SH3RF2: variants seen among roughly 807,000 people sequenced by gnomAD.
SH3RF2 encodes SH3 domain containing ring finger 2, also known as E3 ubiquitin-protein ligase SH3RF2.
A neutral mutation model predicts 59.0 loss-of-function variants in SH3RF2; 43 were observed. The observed-to-expected ratio is 0.73, with a 90% CI of 0.57 to 0.94. The LOEUF is 0.94. Among genes scored for constraint, SH3RF2 ranks in the 40% least tolerant of loss-of-function variants. The probability of loss-of-function intolerance (pLI) is 0.00; values close to 1 mark genes in which losing one functional copy is unlikely to be tolerated. For missense variants in SH3RF2, 930 were observed against 940.1 expected (o/e 0.99, Z 0.14); for synonymous variants, 391 against 391.5 (o/e 1.00, Z 0.01).
intron 2 of SH3RF2, among the ~76,000 whole-genome samples, chr5:145,961,995 C>G (rs1202659540): frequency 6.6e-6 from 1 of 152,190 alleles, no homozygotes; most frequent in Non-Finnish European, 1.5e-5. Context: ...CAGGCAAGTT[C>G]TTTCCAGGAG....
chr5:146,046,445 G>C (rs1762308503), intron 5 of SH3RF2, among the ~76,000 whole-genome samples: 1 of 152,186 alleles, frequency 6.6e-6, no homozygotes, highest in African/African-American at 2.4e-5. Context: ...CACACACAGA[G>C]TTACCATCAT....
chr5:146,007,986 C>T (rs1210471502), intron 4 of SH3RF2, among the ~76,000 whole-genome samples: 1 of 152,146 alleles, frequency 6.6e-6, no homozygotes, highest in Non-Finnish European at 1.5e-5. Flanking sequence ...GGAAGGGAGG[C>T]TTTCTTATGA....
intron 2 of SH3RF2, among the ~76,000 whole-genome samples, chr5:145,948,955 T>C (rs1193527795): frequency 1.3e-5 from 2 of 152,260 alleles, no homozygotes; most frequent in Non-Finnish European, 2.9e-5. Context: ...ATTCATTAAA[T>C]ACTTAATTAT....
At chr5:145,985,984 A>G (rs1759685267) in intron 2 of SH3RF2, among the ~76,000 whole-genome samples, 1 of 151,012 alleles carries the variant, frequency 6.6e-6, no homozygotes, top group African/African-American at 2.4e-5. Context: ...AGCCTGGGCA[A>G]CAGAGCAAGA....
At chr5:145,980,244 G>A (rs567534786) in intron 2 of SH3RF2, among the ~76,000 whole-genome samples, 17 of 152,292 alleles carry the variant, frequency 1.1e-4, no homozygotes, top group East Asian at 1.9e-4. Flanking sequence ...CACACGTAAC[G>A]AGGCAGTTGT....
At chr5:146,027,378 C>A (rs1761566248) in intron 5 of SH3RF2, among the ~76,000 whole-genome samples, 1 of 152,202 alleles carries the variant, frequency 6.6e-6, no homozygotes, top group Non-Finnish European at 1.5e-5. Flanking sequence ...ACCTGGCAAG[C>A]GTCCAAAGCC....
At chr5:145,946,536 A>G (rs1758011381) in intron 2 of SH3RF2, among the ~76,000 whole-genome samples, 1 of 152,216 alleles carries the variant, frequency 6.6e-6, no homozygotes, top group African/African-American at 2.4e-5. Context: ...ACACTATATT[A>G]GGCATAAAGT....
At chr5:146,015,711 G>A (rs1761078520) in intron 5 of SH3RF2, among the ~76,000 whole-genome samples, 1 of 152,226 alleles carries the variant, frequency 6.6e-6, no homozygotes, top group Non-Finnish European at 1.5e-5. Context: ...CTGGACTAGA[G>A]TGGGAGAAGC....
chr5:146,000,712 C>A lies in SH3RF2; in HGVS notation c.648+385C>A, dbSNP rs574182570. 4.6e-5 allele frequency among the ~76,000 whole-genome samples: 7 copies of A among 152,244 alleles called. No homozygotes were observed. The South Asian group carries it at 1.5e-3, about 32-fold the overall frequency. The stretch of plus-strand genomic sequence containing the variant: ...GCAAAACAAGGAAAATATTACACCA[C>A]AATATAGATACAATCACTGTCAACA... On this transcript the variant is annotated intron_variant, in intron 3 of 9. Coordinates refer to ENST00000359120, the MANE Select transcript of SH3RF2 (RefSeq NM_152550.4).
intron 2 of SH3RF2, among the ~76,000 whole-genome samples, chr5:145,966,470 T>C (rs116779735): frequency 1.3e-4 from 19 of 149,288 alleles, no homozygotes; most frequent in African/African-American, 4.7e-4. Context: ...TCAATAAATG[T>C]TCGCTATTGT....
At chr5:145,981,497 T>A (rs2149969465) in intron 2 of SH3RF2, among the ~76,000 whole-genome samples, 1 of 152,264 alleles carries the variant, frequency 6.6e-6, no homozygotes, top group South Asian at 2.1e-4. Context: ...AAGCTCTAGG[T>A]TCCCCCACAC....
rs756997724 is a variant in SH3RF2 at position 145,937,891 on chromosome 5, G to A, written c.-38G>A. 3 of 1,580,488 alleles carry A rather than the reference G, an allele frequency of 1.9e-6. No homozygotes were observed. Among genetic ancestry groups the A allele is most frequent in the South Asian group, 2.4e-5 (2 of 84,442 alleles). On this transcript the variant is annotated 5_prime_UTR_variant, in exon 2 of 10. Coordinates refer to ENST00000359120, the MANE Select transcript of SH3RF2 (RefSeq NM_152550.4). ...GCTCAACTGACCCTACCATGTGGAC[G>A]CTGCTCCTCCAGGTGGGAACTGGAG...
intron 2 of SH3RF2, among the ~76,000 whole-genome samples, chr5:145,961,801 C>T (rs180719517): frequency 6.6e-6 from 1 of 152,162 alleles, no homozygotes; most frequent in Admixed American, 6.5e-5. Flanking sequence ...TGTAGGAAGA[C>T]CTTCTCAGTT....
intron 4 of SH3RF2, among the ~76,000 whole-genome samples, chr5:146,009,509 A>AG (rs1760787825): frequency 6.6e-6 from 1 of 152,044 alleles, no homozygotes; most frequent in South Asian, 2.1e-4. Context: ...TCACATAGCT[A>AG]GCTCCTTCTT....
chr5:146,013,150 C>A (rs1262580374), intron 4 of SH3RF2, among the ~76,000 whole-genome samples: 1 of 152,176 alleles, frequency 6.6e-6, no homozygotes, highest in Non-Finnish European at 1.5e-5. Context: ...AATGTATAAA[C>A]TTGAGCAACT....
At chr5:145,947,383 G>A (rs1758038357) in intron 2 of SH3RF2, among the ~76,000 whole-genome samples, 1 of 152,116 alleles carries the variant, frequency 6.6e-6, no homozygotes, top group South Asian at 2.1e-4. Context: ...GTTACTTAGT[G>A]ACTCTGATCA....
downstream of SH3RF2, among the ~76,000 whole-genome samples, chr5:146,065,529 G>A (rs905205055): frequency 6.6e-6 from 1 of 152,176 alleles, no homozygotes; most frequent in African/African-American, 2.4e-5. Flanking sequence ...TGCTTAGATG[G>A]AATGGAGATG....
chr5:145,994,499 G>A (rs1316937376), intron 2 of SH3RF2, among the ~76,000 whole-genome samples: 1 of 152,176 alleles, frequency 6.6e-6, no homozygotes, highest in Non-Finnish European at 1.5e-5. Context: ...CACATGGATG[G>A]GGAGGCCTCA....
At chr5:145,972,262 G>A (rs1485270930) in intron 2 of SH3RF2, among the ~76,000 whole-genome samples, 1 of 152,032 alleles carries the variant, frequency 6.6e-6, no homozygotes, top group Non-Finnish European at 1.5e-5. Context: ...GAAAGAAAAG[G>A]AAGGTCATGC....
Sources: allele counts gnomAD v4.1 joint callset (sites outside exome capture counted in the v4.1 genomes callset), GRCh38; gene constraint gnomAD v4.1.1; transcripts MANE v1.5; gene names NCBI Gene and HGNC (gene_info 2026-07-23, HGNC 2026-07-21).